Variants in OLR1 observed in about 807,000 individuals in gnomAD.
OLR1 encodes the protein oxidized low density lipoprotein receptor 1.
A neutral mutation model predicts 31.7 loss-of-function variants in OLR1; 23 were observed. The ratio of observed to expected loss-of-function variants is 0.72; its 90% CI spans 0.52 to 1.03. The LOEUF (loss-of-function observed/expected upper bound fraction) is 1.03. Among genes scored for constraint, OLR1 ranks in the 50% least tolerant of loss-of-function variants. The pLI, the probability that OLR1 is intolerant of heterozygous loss-of-function variation, is 0.00. For missense variants in OLR1, 286 were observed against 315.7 expected (o/e 0.91, Z 0.71); for synonymous variants, 117 against 115.8 (o/e 1.01, Z -0.07).
At chr12:10,169,248 G>T in intron 1 of OLR1, 73 bp from the exon 2 acceptor site, 1 of 1,025,372 alleles carries the variant, frequency 9.8e-7, no homozygotes, top group African/African-American at 1.6e-5. Context: ...CTTGGAGCCT[G>T]TCTGTACTTG....
chr12:10,168,764 G>T (rs1172811524), intron 2 of OLR1, among the ~76,000 whole-genome samples: 1 of 152,130 alleles, frequency 6.6e-6, no homozygotes, highest in African/African-American at 2.4e-5. Context: ...AAAGTGCTGG[G>T]ATTACAGGTG....
intron 3 of OLR1, among the ~76,000 whole-genome samples, chr12:10,163,728 C>T (rs967115074): frequency 9.2e-5 from 14 of 152,032 alleles, no homozygotes; most frequent in East Asian, 5.8e-4. Context: ...ATCAGGGGTT[C>T]GAGACCAGCC....
intron 1 of OLR1, among the ~76,000 whole-genome samples, chr12:10,171,612 G>T (rs1360717023): frequency 3.3e-5 from 5 of 152,190 alleles, no homozygotes; most frequent in South Asian, 2.1e-4. Context: ...ATAAATGGGA[G>T]TTTGTGGTAC....
chr12:10,166,746 G>A lies in OLR1; in HGVS notation c.390C>T (p.Leu130=). The A allele has an allele frequency of 1.2e-6, 2 of 1,613,900 alleles. No homozygotes were observed. The highest frequency in any genetic ancestry group is 8.5e-7 in the Non-Finnish European group (1 of 1,179,980). Reference sequence around the variant, plus strand: ...TTGCTACTCTCTTCAGTGTTTCTTGGAGATTCAGATTCTGGTGGTGAAGTT... The same window carrying A: ...TTGCTACTCTCTTCAGTGTTTCTTGAAGATTCAGATTCTGGTGGTGAAGTT... The part of the protein sequence containing the change: ...QMELHHQNLN[L]QETLKRVANC... The change falls in exon 3 of 6, where the codon CTC becomes CTT. Residue 130 remains leucine (L), a synonymous_variant. Coordinates refer to ENST00000309539, the MANE Select transcript of OLR1 (RefSeq NM_002543.4).
chr12:10,163,264 T>C (rs758225270), intron 3 of OLR1, among the ~76,000 whole-genome samples: 5 of 152,134 alleles, frequency 3.3e-5, no homozygotes, highest in Non-Finnish European at 5.9e-5. Flanking sequence ...ATACTACCTT[T>C]CAAACTTCTA....
In OLR1 at chr12:10,166,932, T is replaced by C. The variant is rs1565421697; in HGVS notation, c.204A>G (p.Thr68=). The change falls in exon 3 of 6, where the codon ACA becomes ACG. Residue 68 remains threonine (T), a synonymous_variant. Coordinates refer to ENST00000309539, the MANE Select transcript of OLR1 (RefSeq NM_002543.4). The part of the protein sequence containing the change: ...MQLSQVSDLL[T]QEQANLTHQK... ...GGTGAGTTAGGTTTGCTTGCTCTTG[T>C]GTTAGGAGGTCAGACACCTGGGATA... is the stretch of plus-strand genomic sequence containing the variant. 7 of 1,613,574 alleles carry C rather than the reference T, an allele frequency of 4.3e-6. No homozygotes were observed. The highest frequency in any genetic ancestry group is 5.9e-6 in the Non-Finnish European group (7 of 1,179,974).
chr12:10,158,979 T>G lies in OLR1; in HGVS notation c.*901A>C, dbSNP rs958068096. The G allele has an allele frequency of 2.6e-5, 4 of 152,186 alleles. No individual in the cohort carries two copies. Among genetic ancestry groups the G allele is most frequent in the Non-Finnish European group, 5.9e-5 (4 of 68,020 alleles). The allele number at this position is 152,186 out of a possible 1,614,324, so 9.4% of individuals were successfully genotyped here. A position where few individuals can be genotyped will look rare whatever the true frequency, so the allele number is the denominator to read the frequency against. On this transcript the variant is annotated 3_prime_UTR_variant, in exon 6 of 6. Coordinates refer to ENST00000309539, the MANE Select transcript of OLR1 (RefSeq NM_002543.4). Reference sequence around the variant, plus strand: ...ATACCTGGCTTAGTTTGTTCTAGATTGAGTGTCTTCATTTTTTTTGTCTTG... The same window carrying G: ...ATACCTGGCTTAGTTTGTTCTAGATGGAGTGTCTTCATTTTTTTTGTCTTG...
chr12:10,173,809 C>T (rs1948744988), upstream of OLR1, among the ~76,000 whole-genome samples: 1 of 149,882 alleles, frequency 6.7e-6, no homozygotes, highest in African/African-American at 2.5e-5. Context: ...AACGATATCA[C>T]ACTGAAAAGG....
In OLR1 at chr12:10,158,431, A is replaced by G. The variant is rs936802846; in HGVS notation, c.*1449T>C. The G allele has an allele frequency of 6.6e-6, 1 of 152,236 alleles. No homozygotes were observed. The highest frequency in any genetic ancestry group is 1.5e-5 in the Non-Finnish European group (1 of 68,042). The allele number at this position is 152,236 out of a possible 1,614,324, so 9.4% of individuals were successfully genotyped here. ...CAAGGGAATATTCAACATTTAAAAG[A>G]ATGAATTCATACGAGCATCAAGATG... On this transcript the variant is annotated 3_prime_UTR_variant, in exon 6 of 6. Coordinates refer to ENST00000309539, the MANE Select transcript of OLR1 (RefSeq NM_002543.4).
chr12:10,169,803 C>T, intron 1 of OLR1, among the ~76,000 whole-genome samples: 1 of 151,926 alleles, frequency 6.6e-6, no homozygotes, highest in East Asian at 1.9e-4. Context: ...CTTATATTAA[C>T]AGCATATCCT....
intron 1 of OLR1, chr12:10,170,484 T>C (rs1054300544): frequency 7.0e-6 from 1 of 143,062 alleles, no homozygotes; most frequent in African/African-American, 2.5e-5. Flanking sequence ...GATACCCTCA[T>C]CGTGCTCTTT....
intron 5 of OLR1, 52 bp from the exon 6 acceptor site, chr12:10,160,073 C>A: frequency 6.5e-7 from 1 of 1,550,104 alleles, no homozygotes; most frequent in Admixed American, 1.9e-5. Flanking sequence ...AGGTTTACTG[C>A]CACCTTGTTT....
chr12:10,159,873 T>G lies in OLR1; in HGVS notation c.*7A>C. On this transcript the variant is annotated 3_prime_UTR_variant, in exon 6 of 6. Coordinates refer to ENST00000309539, the MANE Select transcript of OLR1 (RefSeq NM_002543.4). ...GACTTTTTTCTTTTCTTCCAGAGCCTTCAAATTCACTGTGCTCTTAGGTTT... is the reference window on the plus strand; with the variant it reads ...GACTTTTTTCTTTTCTTCCAGAGCCGTCAAATTCACTGTGCTCTTAGGTTT... 1 of 1,598,680 alleles carries G rather than the reference T, an allele frequency of 6.3e-7. No individual in the cohort carries two copies. Among genetic ancestry groups the G allele is most frequent in the Non-Finnish European group, 8.5e-7 (1 of 1,171,296 alleles).
Position 10,159,647 on chromosome 12 carries a change from G to A in OLR1, c.*233C>T. The A allele has an allele frequency of 2.6e-6, 1 of 379,044 alleles. No homozygotes were observed. Among genetic ancestry groups the A allele is most frequent in the Admixed American group, 3.7e-5 (1 of 27,200 alleles). The allele number at this position is 379,044 out of a possible 1,614,324, so 23.5% of individuals were successfully genotyped here. On this transcript the variant is annotated 3_prime_UTR_variant, in exon 6 of 6. Coordinates refer to ENST00000309539, the MANE Select transcript of OLR1 (RefSeq NM_002543.4). Reference sequence around the variant, plus strand: ...AATAAAAAGGGGAAAATGGACTTCAGGCTGGCAGGGAAGCTTGGGACAAGC... The same window carrying A: ...AATAAAAAGGGGAAAATGGACTTCAAGCTGGCAGGGAAGCTTGGGACAAGC...
chr12:10,160,279 C>T (rs2634156), intron 5 of OLR1, 68 bp downstream of exon 5: 1,282,429 of 1,283,538 alleles, frequency 1, 640,665 homozygotes, highest in East Asian at 1. Context: ...AGGCAGTGAC[C>T]TCACTAGCAG....
chr12:10,158,846 C>T lies in OLR1; in HGVS notation c.*1034G>A, dbSNP rs568346386. On this transcript the variant is annotated 3_prime_UTR_variant, in exon 6 of 6. Transcript: ENST00000309539. ...GATTGTGTGCAGCAAAATAAAAAGG[C>T]TTCCTTTAAAGTAGAATAGCCTGTG... 3 of 151,094 alleles carry T rather than the reference C, an allele frequency of 2.0e-5. No individual in the cohort carries two copies. The East Asian group carries it at 5.8e-4, about 29-fold the overall frequency. The allele number at this position is 151,094 out of a possible 1,614,324, so 9.4% of individuals were successfully genotyped here.
chr12:10,171,291 T>C (rs1948714173), intron 1 of OLR1, among the ~76,000 whole-genome samples: 3 of 152,206 alleles, frequency 2.0e-5, no homozygotes, highest in African/African-American at 7.2e-5. Context: ...TATATTCTGT[T>C]CATTTTCCTC....
intron 3 of OLR1, among the ~76,000 whole-genome samples, chr12:10,161,262 C>G (rs1033504778): frequency 1.3e-5 from 2 of 152,048 alleles, no homozygotes; most frequent in Admixed American, 1.3e-4. Context: ...TTTTAGCAAC[C>G]TAAATGTACT....
chr12:10,159,800 G>T lies in OLR1; in HGVS notation c.*80C>A. 2 of 1,405,922 alleles carry T rather than the reference G, an allele frequency of 1.4e-6. No individual in the cohort carries two copies. Among genetic ancestry groups the T allele is most frequent in the Admixed American group, 4.0e-5 (2 of 49,498 alleles). The allele number at this position is 1,405,922 out of a possible 1,614,324, so 87.1% of individuals were successfully genotyped here. A position where few individuals can be genotyped will look rare whatever the true frequency, so the allele number is the denominator to read the frequency against. ...GACAGTTTTCTGGGCTCTCATGTTT[G>T]GCACCCAAGTGACAAAGAATAGCTT... On this transcript the variant is annotated 3_prime_UTR_variant, in exon 6 of 6. Coordinates refer to ENST00000309539, the MANE Select transcript of OLR1 (RefSeq NM_002543.4).
Sources: gnomAD v4.1 joint callset for allele counts (sites outside exome capture counted in the v4.1 genomes callset) on GRCh38, gnomAD v4.1.1 for gene constraint, MANE v1.5 for transcripts, NCBI Gene and HGNC (gene_info 2026-07-23, HGNC 2026-07-21) for gene names.